The following PRKACA variants were observed in gnomAD, a reference collection of about 807,000 sequenced individuals.
PRKACA encodes protein kinase cAMP-activated catalytic subunit alpha.
Under a neutral mutation model 45.8 loss-of-function variants are expected in PRKACA, and 9 were observed. The ratio of observed to expected loss-of-function variants is 0.20; its 90% CI spans 0.12 to 0.34. The LOEUF is 0.34. Among genes scored for constraint, PRKACA ranks in the 10% least tolerant of loss-of-function variants. The probability of loss-of-function intolerance (pLI) is 1.00; values close to 1 mark genes in which losing one functional copy is unlikely to be tolerated. For synonymous variants in PRKACA, 160 were observed against 178.6 expected, an observed-to-expected ratio of 0.90 and a Z score of 0.83; for missense variants, 238 against 458.6, an observed-to-expected ratio of 0.52 and a Z score of 4.39.
At chr19:14,110,021 T>C (rs957340943) in intron 1 of PRKACA, among the ~76,000 whole-genome samples, 30 of 89,404 alleles carry the variant, frequency 3.4e-4, no homozygotes, top group South Asian at 8.6e-4. Context: ...CACACACACA[T>C]AGGGAGAGCC....
chr19:14,103,635 G>A lies in PRKACA; in HGVS notation c.238-721C>T, dbSNP rs559791467. ...AGCTGTCAACTGCTTTGCTCACATA[G>A]CTGTGTCCTCAGAGTCTATACCTGC... On this transcript the variant is annotated intron_variant, in intron 3 of 9. Transcript: ENST00000308677. 2.6e-5 allele frequency among the ~76,000 whole-genome samples: 4 copies of A among 152,328 alleles called. No individual in the cohort carries two copies. The East Asian group carries it at 7.7e-4, about 29-fold the overall frequency.
rs528732710 is a variant in PRKACA, at chr19:14,115,666, C to G, written c.46+1836G>C. 1.9e-3 allele frequency among the ~76,000 whole-genome samples: 289 copies of G among 152,304 alleles called. 1 individual carries two copies. Among genetic ancestry groups the G allele is most frequent in the African/African-American group, 6.7e-3 (280 of 41,562 alleles). ...TGTCTGACCTGTGCTCTGAGAGAATCAGTGGTTCCTTCCAGAGCCTCTGAT... is the reference window on the plus strand; with the variant it reads ...TGTCTGACCTGTGCTCTGAGAGAATGAGTGGTTCCTTCCAGAGCCTCTGAT... On this transcript the variant is annotated intron_variant, in intron 1 of 9. Coordinates refer to ENST00000308677, the MANE Select transcript of PRKACA (RefSeq NM_002730.4).
intron 1 of PRKACA, chr19:14,114,156 C>T (rs1967052706): frequency 1.2e-6 from 2 of 1,611,556 alleles, no homozygotes; most frequent in Non-Finnish European, 1.7e-6. Context: ...TGGAAGCCAT[C>T]ACTCAGTCCT....
intron 4 of PRKACA, among the ~76,000 whole-genome samples, chr19:14,102,030 G>A (rs997859559): frequency 6.6e-6 from 1 of 151,566 alleles, no homozygotes; most frequent in Non-Finnish European, 1.5e-5. Context: ...TGGGCATGGT[G>A]GTGGGCACCT....
At position 14,106,783 on chromosome 19, in the gene PRKACA, T is replaced by C. The variant is rs1232863609; in HGVS notation, c.214A>G (p.Met72Val). The C allele has an allele frequency of 2.5e-6, 4 of 1,614,218 alleles. No homozygotes were observed. Among genetic ancestry groups the C allele is most frequent in the Non-Finnish European group, 3.4e-6 (4 of 1,180,028 alleles). The change falls in exon 3 of 10, where the codon ATG becomes GTG. Residue 72 changes from methionine to valine, a missense_variant. By Grantham distance (21) the Met-to-Val change is conservative (BLOSUM62 1). This residue lies in a region of PRKACA where 93 missense variants were observed against 149.1 expected (regional missense o/e 0.62). Coordinates refer to ENST00000308677, the MANE Select transcript of PRKACA (RefSeq NM_002730.4). ...ACCTTCTGTTTGTCGAGGATCTTCATGGCATAGTGGTTCCCGGTCTCCTTG... is the reference window on the plus strand; with the variant it reads ...ACCTTCTGTTTGTCGAGGATCTTCACGGCATAGTGGTTCCCGGTCTCCTTG... Reference protein sequence around the residue: ...KHKETGNHYAMKILDKQKVVK... With the variant: ...KHKETGNHYAVKILDKQKVVK...
At chr19:14,100,770 C>T (rs1977418446) in intron 5 of PRKACA, 56 bp downstream of exon 5, 2 of 1,558,638 alleles carry the variant, frequency 1.3e-6, no homozygotes, top group African/African-American at 1.4e-5. Context: ...CTTGGTCGTG[C>T]ACTGCCACCT....
chr19:14,115,875 C>G (rs1967095056), intron 1 of PRKACA, among the ~76,000 whole-genome samples: 1 of 152,122 alleles, frequency 6.6e-6, no homozygotes, highest in Non-Finnish European at 1.5e-5. Flanking sequence ...TGACTCCTCC[C>G]CCCCCGGCCA....
At position 14,091,937 on chromosome 19, in the gene PRKACA, T is replaced by A. The variant is rs1185353037; in HGVS notation, c.*1175A>T. 1 of 151,580 alleles carries A rather than the reference T, an allele frequency of 6.6e-6. No homozygotes were observed. Among genetic ancestry groups the A allele is most frequent in the Non-Finnish European group, 1.5e-5 (1 of 67,888 alleles). 9.4% of individuals were successfully genotyped at this position (151,580 alleles called of 1,614,324 possible). A position where few individuals can be genotyped will look rare whatever the true frequency, so the allele number is the denominator to read the frequency against. ...CTATTACGAGAGAAAAAAGCACAAATGAGAAAGTGGGGGAGAGGTGATGGA... is the reference window on the plus strand; with the variant it reads ...CTATTACGAGAGAAAAAAGCACAAAAGAGAAAGTGGGGGAGAGGTGATGGA... On this transcript the variant is annotated 3_prime_UTR_variant, in exon 10 of 10. Coordinates refer to ENST00000308677, the MANE Select transcript of PRKACA (RefSeq NM_002730.4).
At chr19:14,107,493 G>T in intron 1 of PRKACA, 84 bp from the exon 2 acceptor site, 1 of 1,488,458 alleles carries the variant, frequency 6.7e-7, no homozygotes, top group Non-Finnish European at 9.3e-7. Flanking sequence ...GATACTTGGT[G>T]GAAAGTGGGG....
chr19:14,093,819 TGG>T, intron 8 of PRKACA, 27 bp from the exon 9 acceptor site: 1 of 1,594,776 alleles, frequency 6.3e-7, no homozygotes, highest in Middle Eastern at 1.7e-4. Context: ...AAGGACAGGG[TGG>T]GAAGCTGGTC....
intron 1 of PRKACA, among the ~76,000 whole-genome samples, chr19:14,114,397 C>T (rs1256536487): frequency 6.6e-6 from 1 of 152,150 alleles, no homozygotes; most frequent in African/African-American, 2.4e-5. Flanking sequence ...TTGATAAGAC[C>T]TCTTGGGCAC....
At position 14,097,517 on chromosome 19, in the gene PRKACA, G is replaced by C; in HGVS notation, c.643-34C>G. Reference sequence around the variant, plus strand: ...AGATGGGGGGGCACAGGGTGAGGAGGAGGCGAGAGCAGGAGAGCAGAGCCG... The same window carrying C: ...AGATGGGGGGGCACAGGGTGAGGAGCAGGCGAGAGCAGGAGAGCAGAGCCG... On this transcript the variant is annotated intron_variant, in intron 7 of 9. Coordinates refer to ENST00000308677, the MANE Select transcript of PRKACA (RefSeq NM_002730.4). The surrounding 1 kb of genome is among the most constrained non-coding windows in gnomAD (Gnocchi z 5.4). 1.2e-6 allele frequency: 2 copies of C among 1,613,960 alleles called. No individual in the cohort carries two copies. The highest frequency in any genetic ancestry group is 1.7e-6 in the Non-Finnish European group (2 of 1,179,896).
intron 4 of PRKACA, 24 bp downstream of exon 4, chr19:14,102,792 C>A (rs774239425): frequency 6.3e-7 from 1 of 1,596,068 alleles, no homozygotes; most frequent in Non-Finnish European, 8.6e-7. Flanking sequence ...AGTGACCCCC[C>A]GCCCTTGGCC....
Position 14,100,870 on chromosome 19 carries a change from G to C in PRKACA, c.375C>G (p.Pro125=), listed in dbSNP as rs772438487. 1 of 1,613,986 alleles carries C rather than the reference G, an allele frequency of 6.2e-7. No individual in the cohort carries two copies. The highest frequency in any genetic ancestry group is 1.3e-5 in the African/African-American group (1 of 74,932). The change falls in exon 5 of 10, where the codon CCC becomes CCG. Residue 125 remains proline, a synonymous_variant. Coordinates refer to ENST00000308677, the MANE Select transcript of PRKACA (RefSeq NM_002730.4). ...GTAGGTGTGAGAACATCTCCCCGCCGGGCACGTACTCCATGACCATGTATA... is the reference window on the plus strand; with the variant it reads ...GTAGGTGTGAGAACATCTCCCCGCCCGGCACGTACTCCATGACCATGTATA... ...SNLYMVMEYV[P]GGEMFSHLRR...
intron 1 of PRKACA, chr19:14,108,013 C>A (rs751776951): frequency 1.0e-6 from 1 of 985,872 alleles, no homozygotes; most frequent in Admixed American, 6.1e-5. Flanking sequence ...GAAACTTCCC[C>A]GGCAGACCCT....
At chr19:14,114,171 T>C in intron 1 of PRKACA, 1 of 1,610,466 alleles carries the variant, frequency 6.2e-7, no homozygotes, top group Middle Eastern at 1.7e-4. Context: ...AGTCCTGTTC[T>C]CAGGGCACCG....
At chr19:14,116,868 A>G (rs1270986862) in intron 1 of PRKACA, among the ~76,000 whole-genome samples, 2 of 152,036 alleles carry the variant, frequency 1.3e-5, no homozygotes, top group Non-Finnish European at 2.9e-5. Flanking sequence ...AGAGGGACCC[A>G]GAAAGATCCT....
At position 14,102,924 on chromosome 19, in the gene PRKACA, GAAGGAGGGGAGGGCAGA is replaced by G; in HGVS notation, c.238-27_238-11del. 1 of 1,607,246 alleles carries G rather than the reference GAAGGAGGGGAGGGCAGA, an allele frequency of 6.2e-7. No homozygotes were observed. Among genetic ancestry groups the G allele is most frequent in the Non-Finnish European group, 8.5e-7 (1 of 1,173,692 alleles). On this transcript the variant is annotated splice_polypyrimidine_tract_variant and intron_variant, in intron 3 of 9. Transcript: ENST00000308677. ...GTTTCAGTTTCACCACCTGGGAAGG[GAAGGAGGGGAGGGCAGA>G]AAGGAGGGGGAGGTGAGAGGGGCCT...
Position 14,092,775 on chromosome 19 carries a change from C to T in PRKACA, c.*337G>A. The T allele has an allele frequency of 2.3e-6, 1 of 439,654 alleles. No homozygotes were observed. Among genetic ancestry groups the T allele is most frequent in the Non-Finnish European group, 4.0e-6 (1 of 248,368 alleles). The allele number at this position is 439,654 out of a possible 1,614,324, so 27.2% of individuals were successfully genotyped here. A position where few individuals can be genotyped will look rare whatever the true frequency, so the allele number is the denominator to read the frequency against. ...TCTTTCCATACCCTGTCCCTGGATA[C>T]ACCAGCAAGACCTGGTCTGACTGGA... On this transcript the variant is annotated 3_prime_UTR_variant, in exon 10 of 10. Coordinates refer to ENST00000308677, the MANE Select transcript of PRKACA (RefSeq NM_002730.4).
Sources: gnomAD v4.1 joint callset for allele counts (sites outside exome capture counted in the v4.1 genomes callset) on GRCh38, gnomAD v4.1.1 for gene constraint, gnomAD v4.1.1 regional missense constraint, Gnocchi (gnomAD v3.1) non-coding constraint, MANE v1.5 for transcripts, NCBI Gene and HGNC (gene_info 2026-07-23, HGNC 2026-07-21) for gene names.